DOCK4: variants seen among roughly 807,000 people sequenced by gnomAD.
DOCK4 encodes dedicator of cytokinesis protein 4.
DOCK4 carries 97 observed loss-of-function variants against 268.1 expected under a neutral mutation model. The observed-to-expected ratio is 0.36, with a 90% CI of 0.31 to 0.43. The LOEUF (loss-of-function observed/expected upper bound fraction) is 0.43, where lower values mean the gene tolerates loss of function less well. DOCK4 is among the 20% of genes least tolerant of loss of function. The pLI, the probability that DOCK4 is intolerant of heterozygous loss-of-function variation, is 1.00. For missense variants in DOCK4, 2,145 were observed against 2,455.7 expected (o/e 0.87, Z 2.67); for synonymous variants, 954 against 887.2 (o/e 1.08, Z -1.34).
At chr7:112,089,560 GT>G (rs905313295) in intron 1 of DOCK4, among the ~76,000 whole-genome samples, 1 of 152,122 alleles carries the variant, frequency 6.6e-6, no homozygotes, top group Non-Finnish European at 1.5e-5. Context: ...CTAAATTACG[GT>G]TTGGTGTTTG....
intron 1 of DOCK4, among the ~76,000 whole-genome samples, chr7:112,103,065 A>G (rs1297422413): frequency 1.3e-5 from 2 of 152,216 alleles, no homozygotes; most frequent in East Asian, 3.8e-4. Flanking sequence ...ACTTGTCCAC[A>G]TGTCTGACAT....
chr7:111,885,734 TTA>T (rs1807786246), intron 16 of DOCK4, among the ~76,000 whole-genome samples: 1 of 147,496 alleles, frequency 6.8e-6, no homozygotes, highest in Non-Finnish European at 1.5e-5. Flanking sequence ...AATTTACAAA[TTA>T]GAGAGGAGAG....
intron 32 of DOCK4, chr7:111,784,513 T>C (rs1347389480): frequency 2.1e-6 from 1 of 469,494 alleles, no homozygotes; most frequent in African/African-American, 2.0e-5. Flanking sequence ...TCAATACATA[T>C]TGTACTATCT....
At chr7:111,971,913 C>G in intron 8 of DOCK4, 1 of 175,502 alleles carries the variant, frequency 5.7e-6, no homozygotes, top group Non-Finnish European at 1.2e-5. Context: ...GGCCTTTTCT[C>G]AAACGGGATT....
intron 15 of DOCK4, among the ~76,000 whole-genome samples, chr7:111,897,032 C>G (rs73424333): frequency 0.19 from 28,173 of 152,000 alleles, 3,187 homozygotes; most frequent in African/African-American, 0.32. Context: ...TTAAGAACAA[C>G]TGACATCTTG....
rs189705441 is a variant in DOCK4, at chr7:111,810,433, C to T, written c.3007-1032G>A. On this transcript the variant is annotated intron_variant, in intron 28 of 52. Transcript: ENST00000428084. ...CGCCACTGCACTCCAGACTGGGCGA[C>T]AGAGGGAGATTCTGTCTCAAAACAA... Among the ~76,000 whole-genome samples the T allele has an allele frequency of 3.3e-3, 489 of 150,028 alleles. 4 individuals carry two copies. Among genetic ancestry groups the T allele is most frequent in the African/African-American group, 0.011 (460 of 40,586 alleles).
In DOCK4 at chr7:111,984,379, A is replaced by G; in HGVS notation, c.476T>C (p.Leu159Pro). 6.2e-7 allele frequency: 1 copy of G among 1,613,062 alleles called. No homozygotes were observed. Among genetic ancestry groups the G allele is most frequent in the Non-Finnish European group, 8.5e-7 (1 of 1,179,492 alleles). The change falls in exon 7 of 53, where the codon CTG becomes CCG. Residue 159 changes from leucine (L) to proline (P), a missense_variant. This residue lies in a region of DOCK4 where 1,598 missense variants were observed against 1,986.7 expected (regional missense o/e 0.80). Transcript: ENST00000428084. Reference sequence around the variant, plus strand: ...GTACTCTTTCCTAGGCACCAGGTCCAGTCCCAGTTGTCTAGAAAACAAATT... The same window carrying G: ...GTACTCTTTCCTAGGCACCAGGTCCGGTCCCAGTTGTCTAGAAAACAAATT... The part of the protein sequence containing the change: ...RLDWGNEQLG[L>P]DLVPRKEYAM...
chr7:111,813,300 C>T (rs1025444858), intron 27 of DOCK4, among the ~76,000 whole-genome samples: 1 of 152,128 alleles, frequency 6.6e-6, no homozygotes, highest in Non-Finnish European at 1.5e-5. Context: ...ACAGTATCAA[C>T]TTCAAACTTT....
chr7:112,054,153 C>A (rs1333218881), intron 1 of DOCK4, among the ~76,000 whole-genome samples: 2 of 152,032 alleles, frequency 1.3e-5, no homozygotes, highest in Non-Finnish European at 2.9e-5. Context: ...GAGACCCTAA[C>A]TCTATAAAAT....
intron 1 of DOCK4, among the ~76,000 whole-genome samples, chr7:112,098,339 C>G (rs530392070): frequency 1.3e-5 from 2 of 151,786 alleles, no homozygotes; most frequent in East Asian, 3.9e-4. Context: ...CCACCACACC[C>G]GAGTAACTTT....
intron 8 of DOCK4, among the ~76,000 whole-genome samples, chr7:111,948,731 A>T (rs1466167513): frequency 1.3e-5 from 2 of 151,680 alleles, no homozygotes; most frequent in Non-Finnish European, 2.9e-5. Context: ...AGTAGCTGGG[A>T]TTACAGGTGT....
rs766509218 is a variant in DOCK4, at chr7:111,732,206, G to C, written c.5481+20C>G. On this transcript the variant is annotated intron_variant, in intron 52 of 52. Transcript: ENST00000428084. ...AAAACTGGGCCAGTCTCTAGCCTCA[G>C]TCGAAAGAAGGGCCTTTACCTTCAA... is the stretch of plus-strand genomic sequence containing the variant. 1.2e-6 allele frequency: 2 copies of C among 1,613,266 alleles called. No individual in the cohort carries two copies. The highest frequency in any genetic ancestry group is 8.5e-7 in the Non-Finnish European group (1 of 1,179,356).
At chr7:111,834,506 A>C in intron 26 of DOCK4, 82 bp downstream of exon 26, 1 of 1,080,338 alleles carries the variant, frequency 9.3e-7, no homozygotes, top group Admixed American at 2.6e-5. Context: ...GCAATTGTCT[A>C]GGATTTATCT....
chr7:112,127,727 T>C (rs540226160), intron 1 of DOCK4, among the ~76,000 whole-genome samples: 1 of 152,190 alleles, frequency 6.6e-6, no homozygotes, highest in Admixed American at 6.5e-5. Flanking sequence ...GTATGTGTGC[T>C]TTGTAAAGAA....
chr7:112,055,636 G>A (rs571834074), intron 1 of DOCK4, among the ~76,000 whole-genome samples: 2 of 152,286 alleles, frequency 1.3e-5, no homozygotes, highest in South Asian at 2.1e-4. Context: ...GGCAGGGCGC[G>A]GTAGCTCACG....
chr7:112,174,145 C>T (rs955688702), intron 1 of DOCK4, among the ~76,000 whole-genome samples: 7 of 152,070 alleles, frequency 4.6e-5, no homozygotes, highest in Non-Finnish European at 8.8e-5. Flanking sequence ...GGACCAGCTG[C>T]GGACCTTCAA....
chr7:112,062,245 T>A (rs1457081309), intron 1 of DOCK4, among the ~76,000 whole-genome samples: 1 of 152,164 alleles, frequency 6.6e-6, no homozygotes, highest in Non-Finnish European at 1.5e-5. Context: ...TCAATATTTT[T>A]AAAAATTTTA....
chr7:111,728,720 C>G lies in DOCK4; in HGVS notation c.5482G>C (p.Gly1828Arg), dbSNP rs1483182224. The change falls in exon 53 of 53, where the codon GGC (glycine) becomes CGC (arginine). Residue 1828 changes from glycine (G) to arginine (R), a missense_variant and splice_region_variant. This residue lies in a region of DOCK4 where 547 missense variants were observed against 469.0 expected (regional missense o/e 1.17). Coordinates refer to ENST00000428084, the MANE Select transcript of DOCK4 (RefSeq NM_001363540.2). ...GAGGGGGTGAAAGACTGCACAGAGCCCTGCTCCGGGGAGAAGGAAACGAGA... is the reference window on the plus strand; with the variant it reads ...GAGGGGGTGAAAGACTGCACAGAGCGCTGCTCCGGGGAGAAGGAAACGAGA... ...PSPAGRSPLKGSVQSFTPSPV... is the reference protein window; with the variant it reads ...PSPAGRSPLKRSVQSFTPSPV... The G allele has an allele frequency of 1.2e-6, 2 of 1,605,754 alleles. No individual in the cohort carries two copies. The highest frequency in any genetic ancestry group is 1.7e-6 in the Non-Finnish European group (2 of 1,175,388).
chr7:112,019,638 T>C (rs75494712), intron 1 of DOCK4, among the ~76,000 whole-genome samples: 3,932 of 152,306 alleles, frequency 0.026, 178 homozygotes, highest in African/African-American at 0.09. Flanking sequence ...TATCAGCTTC[T>C]GGTAAAATGG....
Sources: gnomAD v4.1 joint callset for allele counts (sites outside exome capture counted in the v4.1 genomes callset) on GRCh38, gnomAD v4.1.1 for gene constraint, gnomAD v4.1.1 regional missense constraint, MANE v1.5 for transcripts, NCBI Gene and HGNC (gene_info 2026-07-23, HGNC 2026-07-21) for gene names.